The following SNX27 variants were observed in gnomAD, a reference collection of about 807,000 sequenced individuals.
The protein encoded by SNX27 is sorting nexin-27.
In SNX27, 22 loss-of-function variants were observed where a neutral mutation model predicts 71.6. The observed-to-expected ratio is 0.31, with a 90% CI of 0.22 to 0.44. The LOEUF is 0.44. Ranked by LOEUF, SNX27 falls within the 20% of genes least tolerant of loss-of-function variation. The pLI is 1.00. For missense variants in SNX27, 531 were observed against 698.6 expected (o/e 0.76, Z 2.70); for synonymous variants, 269 against 277.2 (o/e 0.97, Z 0.29).
At chr1:151,677,565 A>C (rs910839075) in intron 7 of SNX27, 8 of 152,046 alleles carry the variant, frequency 5.3e-5, no homozygotes, top group African/African-American at 1.9e-4. Flanking sequence ...TTTTATTTTA[A>C]ATGTATTTTT....
intron 2 of SNX27, among the ~76,000 whole-genome samples, chr1:151,641,113 C>T (rs1191208583): frequency 2.0e-5 from 3 of 152,124 alleles, no homozygotes; most frequent in Non-Finnish European, 2.9e-5. Context: ...TGTTCATGCA[C>T]ATGTGGGTTG....
intron 4 of SNX27, 43 bp downstream of exon 4, chr1:151,660,905 CT>C (rs1342587937): frequency 7.0e-7 from 1 of 1,418,910 alleles, no homozygotes; most frequent in East Asian, 2.3e-5. Context: ...CTTTTGGCTC[CT>C]TGTGGGGGAA....
chr1:151,638,547 C>T (rs2102632345), intron 1 of SNX27, among the ~76,000 whole-genome samples: 1 of 152,238 alleles, frequency 6.6e-6, no homozygotes, highest in East Asian at 1.9e-4. Flanking sequence ...TGTATACATG[C>T]TTAGTTAGAA....
intron 1 of SNX27, among the ~76,000 whole-genome samples, chr1:151,617,233 G>A (rs556796155): frequency 7.2e-5 from 11 of 152,184 alleles, no homozygotes; most frequent in African/African-American, 2.6e-4. Context: ...TTACTGCTTT[G>A]CAGCGTGTAT....
At chr1:151,663,032 A>G (rs1390279346) in intron 5 of SNX27, among the ~76,000 whole-genome samples, 1 of 152,008 alleles carries the variant, frequency 6.6e-6, no homozygotes, top group East Asian at 1.9e-4. Context: ...AATTAGCACT[A>G]TTGCTTTGGT....
Position 151,651,130 on chromosome 1 carries a change from C to T in SNX27, c.544-7105C>T, listed in dbSNP as rs371876415. 1.9e-3 allele frequency among the ~76,000 whole-genome samples: 296 copies of T among 152,056 alleles called. 1 individual carries two copies. The highest frequency in any genetic ancestry group is 6.9e-3 in the African/African-American group (287 of 41,494). The stretch of plus-strand genomic sequence containing the variant: ...TGAGCTGTTGGGCACACCTCCCAGA[C>T]GGGGTGGTGGCCGGGCAGAGGGGCT... On this transcript the variant is annotated intron_variant, in intron 2 of 11. Coordinates refer to ENST00000458013, the MANE Select transcript of SNX27 (RefSeq NM_001330723.2).
chr1:151,692,456 T>C lies in SNX27; in HGVS notation c.1261T>C (p.Cys421Arg). The C allele has an allele frequency of 1.4e-6, 2 of 1,419,060 alleles. No homozygotes were observed. Among genetic ancestry groups the C allele is most frequent in the Non-Finnish European group, 2.0e-6 (2 of 1,023,920 alleles). The allele number at this position is 1,419,060 out of a possible 1,614,324, so 87.9% of individuals were successfully genotyped here. A position where few individuals can be genotyped will look rare whatever the true frequency, so the allele number is the denominator to read the frequency against. ...MVMYLNMLRT[C>R]EGYNEIIFPH... ...TTAGTACCTCAACATGCTAAGGACT[T>C]GTGAGGGCTACAATGAAATCATCTT... Residue 421 changes from cysteine to arginine, a missense_variant, in exon 9 of 12, where the codon TGT becomes CGT. Physicochemically the swap from Cys to Arg is radical, Grantham distance 180. Coordinates refer to ENST00000458013, the MANE Select transcript of SNX27 (RefSeq NM_001330723.2).
intron 8 of SNX27, among the ~76,000 whole-genome samples, chr1:151,690,662 G>A (rs12748282): frequency 0.018 from 2,792 of 151,596 alleles, 40 homozygotes; most frequent in Middle Eastern, 0.034. Flanking sequence ...GCCTAGGCTG[G>A]TCTCTAACTC....
At chr1:151,687,823 C>T (rs1671249484) in intron 8 of SNX27, among the ~76,000 whole-genome samples, 1 of 152,140 alleles carries the variant, frequency 6.6e-6, no homozygotes, top group Admixed American at 6.5e-5. Context: ...TGGCGGGCGC[C>T]TGTAGTCCCA....
intron 8 of SNX27, among the ~76,000 whole-genome samples, chr1:151,688,369 T>C (rs1291989259): frequency 6.6e-6 from 1 of 152,000 alleles, no homozygotes; most frequent in Non-Finnish European, 1.5e-5. Context: ...CGCGGTGGCT[T>C]ACGCCTGTAA....
chr1:151,642,716 G>T (rs1263659860), intron 2 of SNX27, among the ~76,000 whole-genome samples: 1 of 151,970 alleles, frequency 6.6e-6, no homozygotes, highest in Non-Finnish European at 1.5e-5. Context: ...TTGGCTCACT[G>T]CAAGCTCCGC....
Position 151,695,363 on chromosome 1 carries a change from AC to A in SNX27, c.*948del, listed in dbSNP as rs1671654065. The A allele has an allele frequency of 6.9e-6, 1 of 145,632 alleles. No homozygotes were observed. The highest frequency in any genetic ancestry group is 6.9e-5 in the Admixed American group (1 of 14,396). 9.0% of individuals were successfully genotyped at this position (145,632 alleles called of 1,614,324 possible). On this transcript the variant is annotated 3_prime_UTR_variant, in exon 12 of 12. Coordinates refer to ENST00000458013, the MANE Select transcript of SNX27 (RefSeq NM_001330723.2). ...GGCTCAGGAGGTTGATGCCATGGGA[AC>A]CTGAACCTGAAACACTTCATGGTAG...
intron 2 of SNX27, 117 bp from the exon 3 acceptor site, chr1:151,658,118 G>T: frequency 1.1e-6 from 1 of 881,390 alleles, no homozygotes; most frequent in Non-Finnish European, 1.7e-6. Flanking sequence ...CTTGAATATA[G>T]TCTTTGTTAA....
intron 1 of SNX27, among the ~76,000 whole-genome samples, chr1:151,635,422 A>G (rs545007347): frequency 1.3e-5 from 2 of 152,312 alleles, no homozygotes; most frequent in East Asian, 3.9e-4. Context: ...TTTGAACCTG[A>G]AGTCTGTACT....
rs1292864685 is a variant in SNX27, at chr1:151,651,345, C to T, written c.544-6890C>T. Among the ~76,000 whole-genome samples, 8 of 150,492 alleles carry T rather than the reference C, an allele frequency of 5.3e-5. No homozygotes were observed. The South Asian group carries it at 1.7e-3, about 32-fold the overall frequency. On this transcript the variant is annotated intron_variant, in intron 2 of 11. Coordinates refer to ENST00000458013, the MANE Select transcript of SNX27 (RefSeq NM_001330723.2). Reference sequence around the variant, plus strand: ...GGCGGGGGGCTGACCCCCCCCACCTCCCTCCCGGATGGGGCGGCTGGCCTG... The same window carrying T: ...GGCGGGGGGCTGACCCCCCCCACCTTCCTCCCGGATGGGGCGGCTGGCCTG...
chr1:151,684,473 A>C (rs905104968), intron 8 of SNX27, among the ~76,000 whole-genome samples: 2 of 152,184 alleles, frequency 1.3e-5, no homozygotes, highest in Non-Finnish European at 2.9e-5. Context: ...TTCAATTTGT[A>C]TCTGCCATAG....
chr1:151,635,815 G>A (rs1440106981), intron 1 of SNX27, among the ~76,000 whole-genome samples: 1 of 152,136 alleles, frequency 6.6e-6, no homozygotes, highest in Non-Finnish European at 1.5e-5. Flanking sequence ...TGGAATTATA[G>A]TCAATCTGAA....
intron 11 of SNX27, chr1:151,694,044 G>T: frequency 8.1e-7 from 1 of 1,231,098 alleles, no homozygotes; most frequent in African/African-American, 1.5e-5. Context: ...TTATATTTTA[G>T]TACAGTAGAA....
At chr1:151,667,172 C>A (rs1670225205) in intron 6 of SNX27, 1 of 134,254 alleles carries the variant, frequency 7.4e-6, no homozygotes, top group Admixed American at 8.9e-5. Flanking sequence ...TCAGTTGAGC[C>A]TAGGAGGTTA....
Sources: gnomAD v4.1 joint callset for allele counts (sites outside exome capture counted in the v4.1 genomes callset) on GRCh38, gnomAD v4.1.1 for gene constraint, MANE v1.5 for transcripts, NCBI Gene and HGNC (gene_info 2026-07-23, HGNC 2026-07-21) for gene names.